SPAG17: variants seen among roughly 807,000 people sequenced by gnomAD.
SPAG17 encodes sperm associated antigen 17, also known as sperm-associated antigen 17.
Under a neutral mutation model 273.6 loss-of-function variants are expected in SPAG17, and 169 were observed. The ratio of observed to expected loss-of-function variants is 0.62; its 90% CI spans 0.55 to 0.70. SPAG17 has a LOEUF of 0.70. Ranked by LOEUF, SPAG17 falls within the 30% of genes least tolerant of loss-of-function variation. The pLI is 0.00. For missense variants in SPAG17, 2,557 were observed against 2,627.8 expected (o/e 0.97, Z 0.59); for synonymous variants, 825 against 873.2 (o/e 0.94, Z 0.97).
At position 118,080,332 on chromosome 1, in the gene SPAG17, A is replaced by G. The variant is rs1311357837; in HGVS notation, c.2209+769T>C. ...TCAAAAAGAGAACTCAGGGTGGAGG[A>G]TATATTGTGAGGGAAAGGTACCACA... On this transcript the variant is annotated intron_variant, in intron 15 of 48. Transcript: ENST00000336338. Among the ~76,000 whole-genome samples the G allele has an allele frequency of 1.3e-5, 2 of 152,170 alleles. 1 individual carries two copies. The highest frequency in any genetic ancestry group is 3.9e-4 in the East Asian group (2 of 5,182).
chr1:118,159,944 C>T (rs1027536690), intron 1 of SPAG17, among the ~76,000 whole-genome samples: 1 of 152,114 alleles, frequency 6.6e-6, no homozygotes, highest in African/African-American at 2.4e-5. Context: ...AGTTTTATGG[C>T]TTGGAGCAAA....
At chr1:117,975,931 C>T (rs1185559840) in intron 43 of SPAG17, among the ~76,000 whole-genome samples, 4 of 152,168 alleles carry the variant, frequency 2.6e-5, no homozygotes, top group African/African-American at 4.8e-5. Flanking sequence ...TGGAGTTTAT[C>T]ATGAGCTGGA....
intron 45 of SPAG17, among the ~76,000 whole-genome samples, chr1:117,970,724 C>G (rs142414121): frequency 6.6e-6 from 1 of 152,280 alleles, no homozygotes; most frequent in Non-Finnish European, 1.5e-5. Flanking sequence ...TCCACTCTGA[C>G]CCCAACACTG....
At chr1:118,025,031 T>C (rs12143179) in intron 27 of SPAG17, among the ~76,000 whole-genome samples, 10,534 of 152,302 alleles carry the variant, frequency 0.069, 568 homozygotes, top group East Asian at 0.31. Context: ...TCTTACATCA[T>C]GCAGAGAAAT....
chr1:117,988,700 C>T lies in SPAG17; in HGVS notation c.5522-496G>A, dbSNP rs574426071. On this transcript the variant is annotated intron_variant, in intron 38 of 48. Coordinates refer to ENST00000336338, the MANE Select transcript of SPAG17 (RefSeq NM_206996.4). ...AAGAGGAAAAGATTTTCATGTTTCA[C>T]GGTTATATGAGCTTGGGAAACACTG... 1.5e-4 allele frequency among the ~76,000 whole-genome samples: 23 copies of T among 152,042 alleles called. No individual in the cohort carries two copies. In the South Asian group the frequency reaches 2.9e-3, roughly 19 times the overall value.
intron 21 of SPAG17, among the ~76,000 whole-genome samples, chr1:118,041,270 C>T (rs1396510139): frequency 6.6e-6 from 1 of 152,034 alleles, no homozygotes; most frequent in Non-Finnish European, 1.5e-5. Context: ...TTAATGCATG[C>T]TAAAACTTGA....
At chr1:118,159,906 G>A (rs1009134462) in intron 1 of SPAG17, among the ~76,000 whole-genome samples, 1 of 151,936 alleles carries the variant, frequency 6.6e-6, no homozygotes, top group Non-Finnish European at 1.5e-5. Context: ...CTGAAATTAC[G>A]GCTCCATTAT....
intron 48 of SPAG17, chr1:117,958,768 T>C (rs1037246593): frequency 1.6e-5 from 1 of 64,142 alleles, no homozygotes; most frequent in Non-Finnish European, 3.3e-5. Context: ...CTTCTTTGGC[T>C]TTTTTTTTTT....
chr1:118,013,156 A>T (rs1052729127), intron 29 of SPAG17, among the ~76,000 whole-genome samples: 1 of 152,218 alleles, frequency 6.6e-6, no homozygotes, highest in African/African-American at 2.4e-5. Flanking sequence ...CAACTGCAGT[A>T]CTGTAAATTG....
intron 26 of SPAG17, among the ~76,000 whole-genome samples, chr1:118,026,814 G>C (rs182331768): frequency 1.5e-3 from 223 of 152,198 alleles, no homozygotes; most frequent in African/African-American, 5.1e-3. Flanking sequence ...TTCAAGTCTA[G>C]GCTCTTTCCT....
rs531899318 is a variant in SPAG17 at position 118,023,096 on chromosome 1, T to C, written c.4069+208A>G. 2.9e-3 allele frequency among the ~76,000 whole-genome samples: 447 copies of C among 152,296 alleles called. 1 individual carries two copies. Among genetic ancestry groups the C allele is most frequent in the Admixed American group, 6.6e-3 (101 of 15,276 alleles). ...GTATAACAACATATGAAACTGTTAA[T>C]TATTTATTACTAAGAGAAAAACAGT... On this transcript the variant is annotated intron_variant, in intron 28 of 48. Coordinates refer to ENST00000336338, the MANE Select transcript of SPAG17 (RefSeq NM_206996.4).
intron 3 of SPAG17, among the ~76,000 whole-genome samples, chr1:118,123,662 A>T (rs1657544784): frequency 6.6e-6 from 1 of 152,200 alleles, no homozygotes; most frequent in Admixed American, 6.5e-5. Context: ...CCATCTCTCG[A>T]CAATGTCAGG....
At chr1:118,127,958 C>A (rs1657832431) in intron 3 of SPAG17, among the ~76,000 whole-genome samples, 1 of 151,972 alleles carries the variant, frequency 6.6e-6, no homozygotes, top group South Asian at 2.1e-4. Context: ...CCTGTCTCTA[C>A]TAAAAATACA....
At chr1:118,110,438 T>C (rs1197660948) in intron 4 of SPAG17, among the ~76,000 whole-genome samples, 1 of 152,218 alleles carries the variant, frequency 6.6e-6, no homozygotes, top group East Asian at 1.9e-4. Flanking sequence ...TCTTTCTCTG[T>C]ATTTTCTATG....
intron 25 of SPAG17, 42 bp downstream of exon 25, chr1:118,031,650 A>G (rs1648485096): frequency 8.1e-6 from 13 of 1,597,144 alleles, no homozygotes; most frequent in Non-Finnish European, 1.0e-5. Context: ...TTAACACTGA[A>G]GCAGAAACAG....
At chr1:117,999,305 T>C in intron 32 of SPAG17, among the ~76,000 whole-genome samples, 1 of 152,204 alleles carries the variant, frequency 6.6e-6, no homozygotes. Flanking sequence ...TGCATGTATC[T>C]TTATAGTAGC....
chr1:118,045,863 G>A (rs2101951607), intron 20 of SPAG17, among the ~76,000 whole-genome samples: 1 of 152,240 alleles, frequency 6.6e-6, no homozygotes, highest in Non-Finnish European at 1.5e-5. Flanking sequence ...GATTCAGTCG[G>A]TGTGGGGAAA....
intron 7 of SPAG17, among the ~76,000 whole-genome samples, chr1:118,095,187 T>TC (rs1655628304): frequency 6.6e-6 from 1 of 152,196 alleles, no homozygotes; most frequent in Admixed American, 6.5e-5. Context: ...AAGGAAGTGA[T>TC]TAAAATGTGG....
chr1:118,028,732 T>G (rs555393742), intron 25 of SPAG17, among the ~76,000 whole-genome samples: 5 of 152,254 alleles, frequency 3.3e-5, no homozygotes, highest in African/African-American at 1.2e-4. Context: ...TATGTAGGCA[T>G]AAGGGCAGTG....
Sources: gnomAD v4.1 joint callset for allele counts (sites outside exome capture counted in the v4.1 genomes callset) on GRCh38, gnomAD v4.1.1 for gene constraint, MANE v1.5 for transcripts, NCBI Gene and HGNC (gene_info 2026-07-23, HGNC 2026-07-21) for gene names.